The following HPSE2 variants were observed in gnomAD, a reference collection of about 807,000 sequenced individuals.
HPSE2 encodes inactive heparanase-2.
In HPSE2, 38 loss-of-function variants were observed where a neutral mutation model predicts 60.5. The ratio of observed to expected loss-of-function variants is 0.63; its 90% CI spans 0.48 to 0.82. The LOEUF (loss-of-function observed/expected upper bound fraction) is 0.82. HPSE2 is among the 40% of genes least tolerant of loss of function. The pLI is 0.00. For synonymous variants in HPSE2, 295 were observed against 293.2 expected (o/e 1.01, Z -0.06); for missense variants, 713 against 740.4 (o/e 0.96, Z 0.43).
chr10:98,623,243 T>C (rs886307202), intron 7 of HPSE2, among the ~76,000 whole-genome samples: 2 of 152,204 alleles, frequency 1.3e-5, no homozygotes, highest in African/African-American at 4.8e-5. Flanking sequence ...GATATGGTTC[T>C]ATTTATATGA....
chr10:98,464,821 C>T (rs11189622), intron 11 of HPSE2, among the ~76,000 whole-genome samples: 2,792 of 152,262 alleles, frequency 0.018, 76 homozygotes, highest in African/African-American at 0.064. Context: ...ATTACTATTG[C>T]TCTTGTTGGC....
intron 2 of HPSE2, among the ~76,000 whole-genome samples, chr10:99,164,867 C>T (rs1377850882): frequency 1.3e-5 from 2 of 151,946 alleles, no homozygotes; most frequent in African/African-American, 2.4e-5. Context: ...GGGCGGATCA[C>T]GAGGTCAGGA....
At chr10:98,504,239 C>T (rs560333526) in intron 9 of HPSE2, among the ~76,000 whole-genome samples, 2 of 152,070 alleles carry the variant, frequency 1.3e-5, no homozygotes, top group Admixed American at 6.5e-5. Context: ...GTTTGTCTTC[C>T]ACATTGCTAT....
At chr10:98,488,598 G>A (rs1591258075) in intron 10 of HPSE2, among the ~76,000 whole-genome samples, 1 of 152,198 alleles carries the variant, frequency 6.6e-6, no homozygotes, top group South Asian at 2.1e-4. Context: ...CAGATTAGCG[G>A]TATAAAGACC....
chr10:98,482,330 T>C (rs547236203), intron 11 of HPSE2, among the ~76,000 whole-genome samples: 57 of 152,326 alleles, frequency 3.7e-4, no homozygotes, highest in Non-Finnish European at 7.1e-4. Flanking sequence ...CGGCCAAGGA[T>C]GCTAAACAGC....
chr10:98,825,636 G>C (rs1010418073), intron 3 of HPSE2, among the ~76,000 whole-genome samples: 4 of 150,232 alleles, frequency 2.7e-5, no homozygotes, highest in Middle Eastern at 3.2e-3. Flanking sequence ...GGGGAGGTGT[G>C]GGGGGGAGTG....
At chr10:99,007,159 A>T (rs1956913439) in intron 3 of HPSE2, among the ~76,000 whole-genome samples, 1 of 152,104 alleles carries the variant, frequency 6.6e-6, no homozygotes, top group Admixed American at 6.5e-5. Context: ...CACATAGAAC[A>T]AGTCCTCCGG....
the HPSE2 span, among the ~76,000 whole-genome samples, chr10:99,287,999 G>A: frequency 6.6e-6 from 1 of 152,146 alleles, no homozygotes; most frequent in Non-Finnish European, 1.5e-5. Flanking sequence ...AAGGGGTTAG[G>A]TCATGTCATA....
the HPSE2 span, among the ~76,000 whole-genome samples, chr10:99,241,598 T>C: frequency 2.6e-5 from 4 of 152,022 alleles, no homozygotes; most frequent in Admixed American, 6.6e-5. Flanking sequence ...CTCTACAAAA[T>C]GTTTAAAACA....
At chr10:99,186,542 CAAAAAAAAAAAAAAAA>C (rs60186369) in intron 2 of HPSE2, among the ~76,000 whole-genome samples, 3 of 59,456 alleles carry the variant, frequency 5.0e-5, no homozygotes, top group African/African-American at 2.4e-4. Context: ...GACTCCATCT[CAAAAAAAAAAAAAAAA>C]AAAAAAAAAA....
chr10:98,967,158 T>C (rs1955834180), intron 3 of HPSE2, among the ~76,000 whole-genome samples: 1 of 152,108 alleles, frequency 6.6e-6, no homozygotes, highest in Non-Finnish European at 1.5e-5. Context: ...AGACTTAAGC[T>C]CAAAAAGCTG....
intron 3 of HPSE2, among the ~76,000 whole-genome samples, chr10:98,903,336 T>C (rs979246765): frequency 6.6e-6 from 1 of 152,032 alleles, no homozygotes; most frequent in Non-Finnish European, 1.5e-5. Context: ...AAATGTAAAA[T>C]TGATTGCAAT....
chr10:99,224,438 C>A (rs762758469), intron 2 of HPSE2, among the ~76,000 whole-genome samples: 1 of 151,874 alleles, frequency 6.6e-6, no homozygotes, highest in East Asian at 1.9e-4. Context: ...CACACACACA[C>A]ACACACACAC....
intron 3 of HPSE2, among the ~76,000 whole-genome samples, chr10:98,865,036 A>G (rs991286882): frequency 6.6e-6 from 1 of 152,098 alleles, no homozygotes; most frequent in Non-Finnish European, 1.5e-5. Flanking sequence ...GTTTTTATCA[A>G]TGTTGTCACA....
chr10:99,068,868 G>T (rs1842697978), intron 3 of HPSE2, among the ~76,000 whole-genome samples: 1 of 152,002 alleles, frequency 6.6e-6, no homozygotes, highest in South Asian at 2.1e-4. Flanking sequence ...TAGACAACTT[G>T]GGTGAAATGA....
chr10:98,969,135 C>T (rs144287426), intron 3 of HPSE2, among the ~76,000 whole-genome samples: 2,199 of 152,096 alleles, frequency 0.014, 16 homozygotes, highest in Non-Finnish European at 0.022. Context: ...TGTAATTTTA[C>T]AAAATGCGAG....
chr10:98,492,522 A>AG (rs1554918457), intron 9 of HPSE2, among the ~76,000 whole-genome samples: 7 of 151,536 alleles, frequency 4.6e-5, no homozygotes, highest in African/African-American at 7.3e-5. Flanking sequence ...AAAAAAAAAA[A>AG]AAAAGAAAAG....
intron 9 of HPSE2, among the ~76,000 whole-genome samples, chr10:98,512,629 T>A (rs887181583): frequency 6.6e-6 from 1 of 151,848 alleles, no homozygotes. Context: ...TCTTGCTGGG[T>A]AAAGTAGGAA....
At chr10:98,555,800 A>G (rs1427633337) in intron 9 of HPSE2, among the ~76,000 whole-genome samples, 1 of 152,216 alleles carries the variant, frequency 6.6e-6, no homozygotes, top group African/African-American at 2.4e-5. Context: ...CAACACGAAA[A>G]TAACGTAAAG....
Sources: allele counts gnomAD v4.1 joint callset (sites outside exome capture counted in the v4.1 genomes callset), GRCh38; gene constraint gnomAD v4.1.1; transcripts MANE v1.5; gene names NCBI Gene and HGNC (gene_info 2026-07-23, HGNC 2026-07-21).